ZNF521: variants seen among roughly 807,000 people sequenced by gnomAD.
The protein encoded by ZNF521 is LYST-interacting protein 3.
Under a neutral mutation model 105.5 loss-of-function variants are expected in ZNF521, and 14 were observed. The ratio of observed to expected loss-of-function variants is 0.13; its 90% CI spans 0.09 to 0.21. ZNF521 has a LOEUF of 0.21. ZNF521 is among the 10% of genes least tolerant of loss of function. The pLI is 1.00. For missense variants in ZNF521, 1,233 were observed against 1,629.7 expected, an observed-to-expected ratio of 0.76 and a Z score of 4.19; for synonymous variants, 635 against 606.0, an observed-to-expected ratio of 1.05 and a Z score of -0.70.
chr18:25,259,894 A>G (rs561868590), intron 3 of ZNF521, among the ~76,000 whole-genome samples: 1 of 152,308 alleles, frequency 6.6e-6, no homozygotes, highest in South Asian at 2.1e-4. Flanking sequence ...TCCAGACAGA[A>G]AAGCACAGCA....
chr18:25,160,940 C>T lies in ZNF521; in HGVS notation c.3658+34220G>A, dbSNP rs1487221814. Among the ~76,000 whole-genome samples the T allele has an allele frequency of 2.6e-5, 4 of 152,222 alleles. No homozygotes were observed. In the East Asian group the frequency reaches 7.7e-4, roughly 29 times the overall value. On this transcript the variant is annotated intron_variant, in intron 5 of 7. Transcript: ENST00000361524. ...ACTGAATTTAAGGAGAGCAGAAGTA[C>T]CAGGCCTCCCTGAGGACCCAGTCTG... is the stretch of plus-strand genomic sequence containing the variant.
intron 5 of ZNF521, among the ~76,000 whole-genome samples, chr18:25,134,643 C>T (rs1160981586): frequency 2.6e-5 from 4 of 152,012 alleles, no homozygotes; most frequent in Admixed American, 6.6e-5. Context: ...TTTATTGCAG[C>T]GGTTGCAGCT....
At chr18:25,167,743 C>T (rs1436242565) in intron 5 of ZNF521, among the ~76,000 whole-genome samples, 1 of 152,130 alleles carries the variant, frequency 6.6e-6, no homozygotes, top group Non-Finnish European at 1.5e-5. Context: ...TTATGGATTG[C>T]TCTGTGGCTT....
chr18:25,088,690 A>G (rs979634897), intron 7 of ZNF521, among the ~76,000 whole-genome samples: 2 of 151,712 alleles, frequency 1.3e-5, no homozygotes, highest in African/African-American at 4.8e-5. Flanking sequence ...ATAATACATG[A>G]TACTTCTGGA....
intron 2 of ZNF521, among the ~76,000 whole-genome samples, chr18:25,333,301 T>A (rs1370761385): frequency 2.8e-5 from 3 of 106,186 alleles, no homozygotes; most frequent in East Asian, 2.7e-4. Flanking sequence ...AAGGACACAC[T>A]CTCTCTCTCT....
chr18:25,323,022 G>A (rs1913022033), intron 2 of ZNF521, among the ~76,000 whole-genome samples: 1 of 151,946 alleles, frequency 6.6e-6, no homozygotes, highest in Non-Finnish European at 1.5e-5. Context: ...TTTACTTAGA[G>A]CTCAATAAAC....
At chr18:25,129,265 AATT>A (rs138672111) in intron 5 of ZNF521, among the ~76,000 whole-genome samples, 13 of 30,796 alleles carry the variant, frequency 4.2e-4, no homozygotes, top group East Asian at 1.1e-3. Flanking sequence ...TAATAATAAT[AATT>A]ATTATTATTA....
chr18:25,097,840 T>C (rs1490993650), intron 5 of ZNF521, among the ~76,000 whole-genome samples: 1 of 152,234 alleles, frequency 6.6e-6, no homozygotes, highest in African/African-American at 2.4e-5. Flanking sequence ...GCTACAATGC[T>C]TTTGGACTTT....
rs150225955 is a variant in ZNF521 at position 25,144,741 on chromosome 18, T to C, written c.3658+50419A>G. Reference sequence around the variant, plus strand: ...TGAAGTTGAGGAAAGCAGATATTTATTGAAACTATTCAAATGAAAACATCT... The same window carrying C: ...TGAAGTTGAGGAAAGCAGATATTTACTGAAACTATTCAAATGAAAACATCT... On this transcript the variant is annotated intron_variant, in intron 5 of 7. Coordinates refer to ENST00000361524, the MANE Select transcript of ZNF521 (RefSeq NM_015461.3). Among the ~76,000 whole-genome samples the C allele has an allele frequency of 4.6e-4, 70 of 152,316 alleles. No homozygotes were observed. In the East Asian group the frequency reaches 0.012, roughly 26 times the overall value.
chr18:25,279,765 G>A (rs1600250126), intron 3 of ZNF521, among the ~76,000 whole-genome samples: 1 of 151,996 alleles, frequency 6.6e-6, no homozygotes, highest in Non-Finnish European at 1.5e-5. Flanking sequence ...TTATCTTGGG[G>A]TTCTAATGAC....
At chr18:25,319,463 GT>G (rs1912817131) in intron 3 of ZNF521, among the ~76,000 whole-genome samples, 2 of 152,036 alleles carry the variant, frequency 1.3e-5, no homozygotes, top group South Asian at 4.2e-4. Context: ...GGGCATGGTG[GT>G]ATGCACCTGC....
In ZNF521 at chr18:25,322,043, A is replaced by G. The variant is rs1912957577; in HGVS notation, c.185T>C (p.Ile62Thr). Residue 62 changes from isoleucine to threonine, a missense_variant, in exon 3 of 8, where the codon ATC (isoleucine) becomes ACC (threonine). Coordinates refer to ENST00000361524, the MANE Select transcript of ZNF521 (RefSeq NM_015461.3). ...CLQVFESLSDITEHKINQCQL... is the reference protein window; with the variant it reads ...CLQVFESLSDTTEHKINQCQL... ...ACATTGATTAATCTTGTGTTCTGTG[A>G]TATCGCTCAGCGATTCAAACACCTG... is the stretch of plus-strand genomic sequence containing the variant. 6.2e-7 allele frequency: 1 copy of G among 1,614,114 alleles called. No individual in the cohort carries two copies. Among genetic ancestry groups the G allele is most frequent in the Admixed American group, 1.7e-5 (1 of 60,000 alleles).
chr18:25,105,554 G>A (rs983783884), intron 5 of ZNF521, among the ~76,000 whole-genome samples: 1 of 152,112 alleles, frequency 6.6e-6, no homozygotes, highest in Non-Finnish European at 1.5e-5. Flanking sequence ...AATAACTACT[G>A]TATTTATATA....
At chr18:25,219,531 G>C (rs893545562) in intron 4 of ZNF521, among the ~76,000 whole-genome samples, 1 of 152,184 alleles carries the variant, frequency 6.6e-6, no homozygotes, top group African/African-American at 2.4e-5. Flanking sequence ...ATGTGAGTTG[G>C]AGACATCATT....
At chr18:25,104,241 T>A (rs1476627502) in intron 5 of ZNF521, among the ~76,000 whole-genome samples, 3 of 152,170 alleles carry the variant, frequency 2.0e-5, no homozygotes, top group Non-Finnish European at 4.4e-5. Flanking sequence ...AAAAATTGTA[T>A]ACTATGTCAA....
intron 5 of ZNF521, among the ~76,000 whole-genome samples, chr18:25,159,443 G>T (rs372005593): frequency 1.2e-4 from 18 of 152,158 alleles, no homozygotes; most frequent in African/African-American, 4.1e-4. Flanking sequence ...GCTGAGAAAA[G>T]AATCTAAACC....
At chr18:25,223,726 A>G (rs977137326) in intron 4 of ZNF521, among the ~76,000 whole-genome samples, 2 of 151,972 alleles carry the variant, frequency 1.3e-5, no homozygotes, top group Admixed American at 1.3e-4. Context: ...TTTGAAACCC[A>G]GAGAGTAGGC....
intron 5 of ZNF521, among the ~76,000 whole-genome samples, chr18:25,170,288 T>A (rs898683077): frequency 6.6e-6 from 1 of 152,032 alleles, no homozygotes; most frequent in Non-Finnish European, 1.5e-5. Context: ...GAATATGACT[T>A]CATAAATAAT....
chr18:25,303,129 T>A (rs184284537), intron 3 of ZNF521, among the ~76,000 whole-genome samples: 1 of 152,156 alleles, frequency 6.6e-6, no homozygotes. Flanking sequence ...TGTAGCCTAT[T>A]TGACAATGGC....
Sources: gnomAD v4.1 joint callset for allele counts (sites outside exome capture counted in the v4.1 genomes callset) on GRCh38, gnomAD v4.1.1 for gene constraint, MANE v1.5 for transcripts, NCBI Gene and HGNC (gene_info 2026-07-23, HGNC 2026-07-21) for gene names.